GLRA1: variants seen among roughly 807,000 people sequenced by gnomAD.
GLRA1 encodes the protein glycine receptor subunit alpha-1.
In GLRA1, 37 loss-of-function variants were observed where a neutral mutation model predicts 48.3. That is an observed-to-expected ratio of 0.77 (90% CI 0.59 to 1.01). The LOEUF (loss-of-function observed/expected upper bound fraction) is 1.01. GLRA1 is among the 50% of genes least tolerant of loss of function. The pLI, the probability that GLRA1 is intolerant of heterozygous loss-of-function variation, is 0.00. For missense variants in GLRA1, 427 were observed against 571.0 expected, an observed-to-expected ratio of 0.75 and a Z score of 2.57; for synonymous variants, 196 against 210.7, an observed-to-expected ratio of 0.93 and a Z score of 0.60.
intron 3 of GLRA1, among the ~76,000 whole-genome samples, chr5:151,867,534 A>T (rs1441476778): frequency 1.3e-5 from 2 of 152,230 alleles, no homozygotes; most frequent in African/African-American, 4.8e-5. Context: ...CATTAGCAGC[A>T]TAAATAATAA....
At position 151,908,665 on chromosome 5, in the gene GLRA1, TTA is replaced by T. The variant is rs567313602; in HGVS notation, c.56+15827_56+15828del. ...TTCTCTCCCCTTTCTTGTTTTTTTT[TTA>T]AATTGTTCATTTTATTTCTTGCTCA... On this transcript the variant is annotated intron_variant, in intron 1 of 8. Transcript: ENST00000274576. Among the ~76,000 whole-genome samples, 458 of 152,242 alleles carry T rather than the reference TTA, an allele frequency of 3.0e-3. 2 individuals are homozygous for T. The highest frequency in any genetic ancestry group is 0.011 in the African/African-American group (438 of 41,496).
At chr5:151,908,822 G>A (rs1227052401) in intron 1 of GLRA1, among the ~76,000 whole-genome samples, 2 of 152,120 alleles carry the variant, frequency 1.3e-5, no homozygotes, top group Admixed American at 1.3e-4. Context: ...GTGATTTGGG[G>A]TGAGCCCCTC....
intron 7 of GLRA1, among the ~76,000 whole-genome samples, chr5:151,834,096 G>A (rs939224927): frequency 4.6e-5 from 7 of 152,214 alleles, no homozygotes; most frequent in African/African-American, 1.7e-4. Flanking sequence ...GGATATTCAG[G>A]ATGTGAACTC....
At chr5:151,832,494 G>A (rs1310328289) in intron 7 of GLRA1, among the ~76,000 whole-genome samples, 1 of 152,176 alleles carries the variant, frequency 6.6e-6, no homozygotes, top group East Asian at 1.9e-4. Flanking sequence ...CAAGAACTTC[G>A]TGAAGCATAC....
intron 7 of GLRA1, among the ~76,000 whole-genome samples, chr5:151,829,345 G>C (rs1763366317): frequency 6.6e-6 from 1 of 152,216 alleles, no homozygotes; most frequent in Non-Finnish European, 1.5e-5. Flanking sequence ...ACAGAATGCT[G>C]TCTTTCATTT....
At chr5:151,880,629 C>T (rs1171107103) in intron 3 of GLRA1, among the ~76,000 whole-genome samples, 2 of 152,206 alleles carry the variant, frequency 1.3e-5, no homozygotes, top group African/African-American at 4.8e-5. Flanking sequence ...CTCTCTCTCT[C>T]ATGTTTATAT....
intron 7 of GLRA1, among the ~76,000 whole-genome samples, chr5:151,842,012 G>A (rs550605293): frequency 2.7e-5 from 4 of 149,630 alleles, no homozygotes; most frequent in East Asian, 2.0e-4. Context: ...AGCCGAGATC[G>A]TGCCACTGCA....
chr5:151,889,229 C>A (rs1753995161), intron 2 of GLRA1, among the ~76,000 whole-genome samples: 1 of 152,224 alleles, frequency 6.6e-6, no homozygotes. Flanking sequence ...AATTTAGCTG[C>A]CTTTGGCAGC....
At chr5:151,835,324 A>G (rs1763545674) in intron 7 of GLRA1, among the ~76,000 whole-genome samples, 2 of 152,216 alleles carry the variant, frequency 1.3e-5, no homozygotes, top group Non-Finnish European at 2.9e-5. Context: ...AAGGATTCAC[A>G]GCCAAATTCT....
intron 1 of GLRA1, among the ~76,000 whole-genome samples, chr5:151,901,867 C>G (rs1041139162): frequency 7.9e-5 from 12 of 152,180 alleles, no homozygotes; most frequent in Non-Finnish European, 8.8e-5. Flanking sequence ...AGGAAGCTGA[C>G]ACTTTCATTT....
intron 6 of GLRA1, among the ~76,000 whole-genome samples, chr5:151,854,486 T>A (rs1001371231): frequency 1.3e-5 from 2 of 152,246 alleles, no homozygotes; most frequent in African/African-American, 4.8e-5. Context: ...TGAGACAGGA[T>A]ACGCAAAGCC....
In GLRA1 at chr5:151,828,923, T is replaced by C. The variant is rs750009312; in HGVS notation, c.1057A>G (p.Lys353Glu). ...LRFRRKRRHHKEDEAGEGRFN... is the reference protein window; with the variant it reads ...LRFRRKRRHHEEDEAGEGRFN... ...TAGGCAGTGACCCAAAGGCCTACCT[T>C]GTGATGTCTCCGCTTCCTCCTGAAT... Residue 353 changes from lysine (K) to glutamate (E), a missense_variant and splice_region_variant, in exon 8 of 9, where the codon AAG becomes GAG. Around this residue, in one of 4 missense-constraint regions of GLRA1, gnomAD observed 31 missense variants for 21.9 expected, o/e 1.41. Coordinates refer to ENST00000274576, the MANE Select transcript of GLRA1 (RefSeq NM_000171.4). 6.2e-7 allele frequency: 1 copy of C among 1,614,062 alleles called. No homozygotes were observed. Among genetic ancestry groups the C allele is most frequent in the East Asian group, 2.2e-5 (1 of 44,890 alleles).
chr5:151,862,675 C>T (rs1285269870), intron 3 of GLRA1, among the ~76,000 whole-genome samples: 1 of 152,182 alleles, frequency 6.6e-6, no homozygotes, highest in Non-Finnish European at 1.5e-5. Flanking sequence ...TTCTTTATTG[C>T]AGGACTTCTC....
intron 7 of GLRA1, chr5:151,850,885 A>T (rs1752887748): frequency 1.7e-6 from 1 of 602,454 alleles, no homozygotes; most frequent in Non-Finnish European, 3.0e-6. Flanking sequence ...TTGCAACTCA[A>T]AGGGTGGAAT....
intron 4 of GLRA1, among the ~76,000 whole-genome samples, chr5:151,857,637 C>T (rs964259210): frequency 5.9e-5 from 9 of 152,132 alleles, no homozygotes; most frequent in Admixed American, 1.3e-4. Context: ...ATGCTGGGGT[C>T]GACTGGAAAG....
intron 1 of GLRA1, among the ~76,000 whole-genome samples, chr5:151,918,364 G>C (rs1480475144): frequency 6.6e-6 from 1 of 152,254 alleles, no homozygotes; most frequent in Admixed American, 6.5e-5. Context: ...AACACCATCC[G>C]GTGCCTGTGG....
At chr5:151,869,287 A>G (rs1187768480) in intron 3 of GLRA1, among the ~76,000 whole-genome samples, 1 of 151,708 alleles carries the variant, frequency 6.6e-6, no homozygotes, top group Admixed American at 6.6e-5. Flanking sequence ...TATTGTTAGT[A>G]GAGACACGGT....
intron 7 of GLRA1, chr5:151,850,784 A>G: frequency 2.2e-6 from 2 of 916,790 alleles, no homozygotes; most frequent in Non-Finnish European, 3.6e-6. Flanking sequence ...CCCTTCCAGT[A>G]CAAAAACTAA....
At chr5:151,831,172 C>T (rs1464133946) in intron 7 of GLRA1, among the ~76,000 whole-genome samples, 2 of 152,228 alleles carry the variant, frequency 1.3e-5, no homozygotes, top group African/African-American at 2.4e-5. Context: ...GAGATTCCCT[C>T]GGGTGCCTGT....
Sources: allele counts gnomAD v4.1 joint callset (sites outside exome capture counted in the v4.1 genomes callset), GRCh38; gene constraint gnomAD v4.1.1; regional missense constraint gnomAD v4.1.1; transcripts MANE v1.5; gene names NCBI Gene and HGNC (gene_info 2026-07-23, HGNC 2026-07-21).